Variants in SLC24A2 observed in about 807,000 individuals in gnomAD.
The protein encoded by SLC24A2 is solute carrier family 24 member 2, also known as sodium/potassium/calcium exchanger 2.
A neutral mutation model predicts 62.0 loss-of-function variants in SLC24A2; 36 were observed. The observed-to-expected ratio is 0.58, with a 90% CI of 0.44 to 0.77. The LOEUF (loss-of-function observed/expected upper bound fraction) is 0.77, where lower values mean the gene tolerates loss of function less well. Ranked by LOEUF, SLC24A2 falls within the 30% of genes least tolerant of loss-of-function variation. The pLI is 0.00. For synonymous variants in SLC24A2, 358 were observed against 294.0 expected (o/e 1.22, Z -2.23); for missense variants, 846 against 817.9 (o/e 1.03, Z -0.42).
intron 7 of SLC24A2, among the ~76,000 whole-genome samples, chr9:19,559,299 C>G (rs1835275645): frequency 6.6e-6 from 1 of 152,166 alleles, no homozygotes; most frequent in African/African-American, 2.4e-5. Context: ...CATCTATCCA[C>G]TTACCCAATA....
At chr9:19,554,057 C>T (rs959229857) in intron 7 of SLC24A2, among the ~76,000 whole-genome samples, 2 of 152,108 alleles carry the variant, frequency 1.3e-5, no homozygotes, top group Non-Finnish European at 2.9e-5. Context: ...TAAGTTAAAA[C>T]AAGGCCACTA....
At chr9:20,203,835 C>G in the SLC24A2 span, among the ~76,000 whole-genome samples, 1 of 152,174 alleles carries the variant, frequency 6.6e-6, no homozygotes, top group African/African-American at 2.4e-5. Context: ...TTGCTGGGTT[C>G]GCCTATGGTA....
rs1170010449 is a variant in SLC24A2, at chr9:19,603,850, G to C, written c.1079-6571C>G. 1.3e-5 allele frequency among the ~76,000 whole-genome samples: 2 copies of C among 152,268 alleles called. 1 individual carries two copies. Among genetic ancestry groups the C allele is most frequent in the South Asian group, 4.2e-4 (2 of 4,818 alleles). ...ATTTTACTACGTCTCCTAATTTACT[G>C]AATCTTTCAGAACCCCGTTGAGGTT... On this transcript the variant is annotated intron_variant, in intron 4 of 10. Transcript: ENST00000341998.
At chr9:19,699,248 G>C (rs983283003) in intron 2 of SLC24A2, among the ~76,000 whole-genome samples, 1 of 152,090 alleles carries the variant, frequency 6.6e-6, no homozygotes, top group African/African-American at 2.4e-5. Flanking sequence ...AGTAAACATG[G>C]GAAAACATAT....
intron 5 of SLC24A2, among the ~76,000 whole-genome samples, chr9:19,594,787 T>C (rs77876816): frequency 0.014 from 2,182 of 152,336 alleles, 56 homozygotes; most frequent in African/African-American, 0.051. Context: ...ATATTATTCT[T>C]ATTTTCCAGT....
chr9:19,786,706 A>G lies in SLC24A2; in HGVS notation c.161T>C (p.Phe54Ser). 1.2e-6 allele frequency: 2 copies of G among 1,611,798 alleles called. No homozygotes were observed. Among genetic ancestry groups the G allele is most frequent in the Non-Finnish European group, 1.7e-6 (2 of 1,178,612 alleles). Residue 54 changes from phenylalanine to serine, a missense_variant, in exon 2 of 11, where the codon TTT (phenylalanine) becomes TCT (serine). Coordinates refer to ENST00000341998, the MANE Select transcript of SLC24A2 (RefSeq NM_020344.4). The surrounding 1 kb of genome is among the most constrained non-coding windows in gnomAD (Gnocchi z 5.0). Reference sequence around the variant, plus strand: ...TGTCTCAGAAAAGGCACTGATTGAAAATGAGACAGTGCTAATGGCTACCAG... The same window carrying G: ...TGTCTCAGAAAAGGCACTGATTGAAGATGAGACAGTGCTAATGGCTACCAG... Reference protein sequence around the residue: ...MGLVAISTVSFSISAFSETDT... With the variant: ...MGLVAISTVSSSISAFSETDT...
In SLC24A2 at chr9:19,595,981, G is replaced by A. The variant is rs375896095; in HGVS notation, c.1129+1248C>T. Among the ~76,000 whole-genome samples the A allele has an allele frequency of 5.3e-5, 8 of 152,286 alleles. No homozygotes were observed. The East Asian group carries it at 1.5e-3, about 29-fold the overall frequency. ...TGTCATTGGACCTCTTGCTGCCCATGGGTCTGCATTTCCCCAAGCTGTTGG... is the reference window on the plus strand; with the variant it reads ...TGTCATTGGACCTCTTGCTGCCCATAGGTCTGCATTTCCCCAAGCTGTTGG... On this transcript the variant is annotated intron_variant, in intron 5 of 10. Transcript: ENST00000341998.
At chr9:19,560,897 G>GTGTGTGTGTA (rs1287721646) in intron 7 of SLC24A2, among the ~76,000 whole-genome samples, 5 of 128,498 alleles carry the variant, frequency 3.9e-5, no homozygotes, top group African/African-American at 1.2e-4. Context: ...GTGTGTGTGT[G>GTGTGTGTGTA]TATATATATA....
chr9:19,949,151 G>C, the SLC24A2 span, among the ~76,000 whole-genome samples: 1 of 152,018 alleles, frequency 6.6e-6, no homozygotes. Flanking sequence ...CTGCCACCAT[G>C]CCTGGCTAAT....
At chr9:20,185,651 C>G in the SLC24A2 span, among the ~76,000 whole-genome samples, 1 of 140,536 alleles carries the variant, frequency 7.1e-6, no homozygotes, top group African/African-American at 2.7e-5. Flanking sequence ...GGAGACAGAG[C>G]GAGACTCCAT....
chr9:19,905,533 C>A, the SLC24A2 span, among the ~76,000 whole-genome samples: 1 of 151,822 alleles, frequency 6.6e-6, no homozygotes, highest in Non-Finnish European at 1.5e-5. Context: ...TTCAGCCTCC[C>A]GAGTAGCTGG....
the SLC24A2 span, among the ~76,000 whole-genome samples, chr9:19,859,244 G>A: frequency 6.6e-6 from 1 of 152,082 alleles, no homozygotes; most frequent in Non-Finnish European, 1.5e-5. Flanking sequence ...AATAACACAG[G>A]AACAGAAAAA....
chr9:20,303,509 C>A, the SLC24A2 span, among the ~76,000 whole-genome samples: 1 of 152,172 alleles, frequency 6.6e-6, no homozygotes, highest in South Asian at 2.1e-4. Context: ...CTAGTTCCCA[C>A]GTTCTGACAG....
At chr9:20,253,161 T>A in the SLC24A2 span, among the ~76,000 whole-genome samples, 1 of 152,144 alleles carries the variant, frequency 6.6e-6, no homozygotes, top group African/African-American at 2.4e-5. Flanking sequence ...TCTTAACTAT[T>A]CTAAAGCAGG....
At chr9:20,079,819 G>T in the SLC24A2 span, among the ~76,000 whole-genome samples, 1 of 152,144 alleles carries the variant, frequency 6.6e-6, no homozygotes, top group Non-Finnish European at 1.5e-5. Context: ...ATCAGCTTAA[G>T]GAGATTTTGG....
At chr9:20,175,656 C>A in the SLC24A2 span, among the ~76,000 whole-genome samples, 1 of 151,934 alleles carries the variant, frequency 6.6e-6, no homozygotes, top group African/African-American at 2.4e-5. Context: ...CACACACTTT[C>A]TTTAAAGCAA....
the SLC24A2 span, among the ~76,000 whole-genome samples, chr9:20,008,655 C>T: frequency 6.6e-6 from 1 of 152,104 alleles, no homozygotes; most frequent in Non-Finnish European, 1.5e-5. Flanking sequence ...AATATGACAT[C>T]TTTGTAGTCC....
At chr9:20,066,886 C>T in the SLC24A2 span, among the ~76,000 whole-genome samples, 1 of 152,140 alleles carries the variant, frequency 6.6e-6, no homozygotes, top group East Asian at 1.9e-4. Flanking sequence ...GAATTGACCT[C>T]AAAGGCTAAT....
intron 9 of SLC24A2, among the ~76,000 whole-genome samples, chr9:19,522,050 C>G (rs1210942221): frequency 6.6e-6 from 1 of 152,052 alleles, no homozygotes; most frequent in African/African-American, 2.4e-5. Context: ...GCTCTGTTGC[C>G]CAGGCTAGAG....
Sources: allele counts gnomAD v4.1 joint callset (sites outside exome capture counted in the v4.1 genomes callset), GRCh38; gene constraint gnomAD v4.1.1; non-coding constraint Gnocchi (gnomAD v3.1); transcripts MANE v1.5; gene names NCBI Gene and HGNC (gene_info 2026-07-23, HGNC 2026-07-21).